Variants in FHIT observed in about 807,000 individuals in gnomAD.
FHIT encodes fragile histidine triad diadenosine triphosphatase, also known as bis(5'-adenosyl)-triphosphatase.
In FHIT, 19 loss-of-function variants were observed where a neutral mutation model predicts 17.9. The observed-to-expected ratio is 1.06, with a 90% CI of 0.74 to 1.56. FHIT has a LOEUF of 1.56. FHIT is among the 40% of genes most tolerant of loss of function. The pLI is 0.00. For synonymous variants in FHIT, 81 were observed against 69.7 expected (o/e 1.16, Z -0.81); for missense variants, 248 against 189.2 (o/e 1.31, Z -1.82).
intron 5 of FHIT, among the ~76,000 whole-genome samples, chr3:60,331,141 C>A (rs1709952358): frequency 6.6e-6 from 1 of 152,192 alleles, no homozygotes; most frequent in African/African-American, 2.4e-5. Context: ...GCTCTAGACA[C>A]TCTGGATTTC....
At chr3:61,036,000 C>A (rs1279648757) in intron 3 of FHIT, among the ~76,000 whole-genome samples, 1 of 152,152 alleles carries the variant, frequency 6.6e-6, no homozygotes, top group Non-Finnish European at 1.5e-5. Context: ...AGTTTCCCAA[C>A]TCGATTAGGC....
intron 5 of FHIT, among the ~76,000 whole-genome samples, chr3:60,407,358 C>T (rs1701905012): frequency 6.6e-6 from 1 of 152,010 alleles, no homozygotes; most frequent in Admixed American, 6.6e-5. Context: ...TCTTATTCAT[C>T]AATTCACCCC....
chr3:59,749,710 A>G, intron 9 of FHIT, 131 bp from the exon 10 acceptor site: 1 of 230,282 alleles, frequency 4.3e-6, no homozygotes, highest in East Asian at 6.2e-5. Flanking sequence ...AGTGGGCCAA[A>G]GTGCAGCCTG....
At chr3:60,147,041 G>A (rs546998513) in intron 5 of FHIT, among the ~76,000 whole-genome samples, 2 of 152,202 alleles carry the variant, frequency 1.3e-5, no homozygotes, top group South Asian at 4.2e-4. Context: ...TCCTTTCACT[G>A]AGGAAGAAAA....
intron 8 of FHIT, among the ~76,000 whole-genome samples, chr3:59,879,441 T>C (rs1451991003): frequency 6.6e-6 from 1 of 152,186 alleles, no homozygotes; most frequent in African/African-American, 2.4e-5. Flanking sequence ...CTCTGGGGTA[T>C]GATAGATGTG....
At chr3:60,324,743 G>T (rs1882900) in intron 5 of FHIT, among the ~76,000 whole-genome samples, 97,783 of 151,844 alleles carry the variant, frequency 0.64, 32,231 homozygotes, top group African/African-American at 0.73. Flanking sequence ...TTATTCATTT[G>T]TTTTACTCTT....
At chr3:60,763,842 C>T (rs369218521) in intron 4 of FHIT, among the ~76,000 whole-genome samples, 83 of 152,256 alleles carry the variant, frequency 5.5e-4, no homozygotes, top group Middle Eastern at 3.4e-3. Flanking sequence ...TCAGCTACTC[C>T]GGTTAACACT....
At chr3:59,923,589 G>C (rs13070872) in intron 7 of FHIT, among the ~76,000 whole-genome samples, 17,080 of 151,916 alleles carry the variant, frequency 0.11, 1,177 homozygotes, top group Middle Eastern at 0.19. Flanking sequence ...ATTGTACCTC[G>C]GCTGAAGTTA....
In FHIT at chr3:61,246,637, T is replaced by C. The variant is rs562124382; in HGVS notation, c.-213+4664A>G. On this transcript the variant is annotated intron_variant, in intron 1 of 9. Coordinates refer to ENST00000492590, the MANE Select transcript of FHIT (RefSeq NM_002012.4). ...ACACGTTCTCACTCATAAGTGGGAG[T>C]TGAACAATGAGAACGCATGGACACA... 1.5e-3 allele frequency among the ~76,000 whole-genome samples: 221 copies of C among 151,086 alleles called. 1 individual carries two copies. The Middle Eastern group carries it at 0.024, about 16-fold the overall frequency.
intron 5 of FHIT, among the ~76,000 whole-genome samples, chr3:60,103,440 AAAAC>A (rs1175506224): frequency 1.3e-5 from 2 of 152,210 alleles, no homozygotes; most frequent in South Asian, 2.1e-4. Flanking sequence ...GTTTTAGACA[AAAAC>A]AAACAAACAC....
chr3:60,146,409 A>T (rs1389917149), intron 5 of FHIT, among the ~76,000 whole-genome samples: 1 of 151,974 alleles, frequency 6.6e-6, no homozygotes, highest in Non-Finnish European at 1.5e-5. Flanking sequence ...CCAGCTATCA[A>T]ACAATATCAT....
At chr3:60,723,087 T>C (rs1385896801) in intron 4 of FHIT, among the ~76,000 whole-genome samples, 2 of 152,170 alleles carry the variant, frequency 1.3e-5, no homozygotes, top group Admixed American at 6.5e-5. Context: ...GACTCCCCTC[T>C]AGACTCTTCT....
At position 60,851,930 on chromosome 3, in the gene FHIT, A is replaced by G. The variant is rs116153540; in HGVS notation, c.-110-29919T>C. Among the ~76,000 whole-genome samples, 272 of 152,294 alleles carry G rather than the reference A, an allele frequency of 1.8e-3. 2 individuals carry two copies. The highest frequency in any genetic ancestry group is 6.2e-3 in the African/African-American group (258 of 41,550). On this transcript the variant is annotated intron_variant, in intron 3 of 9. Coordinates refer to ENST00000492590, the MANE Select transcript of FHIT (RefSeq NM_002012.4). ...GAAAAAAAGCAAAGTCCACATTTCT[A>G]TAAGTGTCACGATGATAAATTTTAT...
At chr3:61,238,444 T>C (rs967771139) in intron 1 of FHIT, among the ~76,000 whole-genome samples, 9 of 152,116 alleles carry the variant, frequency 5.9e-5, no homozygotes, top group African/African-American at 1.7e-4. Context: ...ATCAGCAAAA[T>C]AGCCACTACC....
chr3:60,440,102 G>A (rs540632901), intron 5 of FHIT, among the ~76,000 whole-genome samples: 1 of 152,044 alleles, frequency 6.6e-6, no homozygotes, highest in African/African-American at 2.4e-5. Flanking sequence ...AGAGGTAGGC[G>A]CATTGTCCAT....
intron 8 of FHIT, among the ~76,000 whole-genome samples, chr3:59,792,545 C>T (rs2629881): frequency 0.74 from 111,746 of 151,960 alleles, 41,406 homozygotes; most frequent in Middle Eastern, 0.83. Flanking sequence ...CCTGAACAGA[C>T]AACGTCTATG....
At chr3:60,160,390 C>T (rs1432797809) in intron 5 of FHIT, among the ~76,000 whole-genome samples, 1 of 152,156 alleles carries the variant, frequency 6.6e-6, no homozygotes, top group Non-Finnish European at 1.5e-5. Flanking sequence ...CCTCATGAGC[C>T]ACCACATTTT....
chr3:60,438,249 T>C lies in FHIT; in HGVS notation c.103+98611A>G, dbSNP rs532154478. Among the ~76,000 whole-genome samples, 22 of 152,076 alleles carry C rather than the reference T, an allele frequency of 1.4e-4. No individual in the cohort carries two copies. The South Asian group carries it at 4.2e-3, about 29-fold the overall frequency. ...CAGACTGACCCTGTGCTGATGATAA[T>C]AGTGAAAAACACACCGATGGGTGGA... is the stretch of plus-strand genomic sequence containing the variant. On this transcript the variant is annotated intron_variant, in intron 5 of 9. Coordinates refer to ENST00000492590, the MANE Select transcript of FHIT (RefSeq NM_002012.4).
At chr3:60,517,158 A>C (rs1673162423) in intron 5 of FHIT, among the ~76,000 whole-genome samples, 1 of 152,188 alleles carries the variant, frequency 6.6e-6, no homozygotes. Context: ...AAGGCTCAAG[A>C]GTTAATGTTA....
Sources: gnomAD v4.1 joint callset for allele counts (sites outside exome capture counted in the v4.1 genomes callset) on GRCh38, gnomAD v4.1.1 for gene constraint, MANE v1.5 for transcripts, NCBI Gene and HGNC (gene_info 2026-07-23, HGNC 2026-07-21) for gene names.